Variants in FBXO46 observed in about 807,000 individuals in gnomAD.
FBXO46 encodes the protein F-box only protein 46.
A neutral mutation model predicts 30.7 loss-of-function variants in FBXO46; 13 were observed. That is an observed-to-expected ratio of 0.42 (90% CI 0.28 to 0.67). The LOEUF is 0.67. Ranked by LOEUF, FBXO46 falls within the 30% of genes least tolerant of loss-of-function variation. The probability of loss-of-function intolerance (pLI) is 0.21; values close to 1 mark genes in which losing one functional copy is unlikely to be tolerated. For missense variants in FBXO46, 754 were observed against 871.5 expected (o/e 0.87, Z 1.70); for synonymous variants, 467 against 385.8 (o/e 1.21, Z -2.47).
Position 45,713,712 on chromosome 19 carries a change from A to G in FBXO46, c.-78-139T>C. 1 of 477,030 alleles carries G rather than the reference A, an allele frequency of 2.1e-6. No homozygotes were observed. Among genetic ancestry groups the G allele is most frequent in the Non-Finnish European group, 3.7e-6 (1 of 267,434 alleles). The allele number at this position is 477,030 out of a possible 1,614,324, so 29.5% of individuals were successfully genotyped here. ...GCTGGGCGCGGTGGCTCACGCCTGTAATCCCAGCACTTTGGGAGGCTGAGG... is the reference window on the plus strand; with the variant it reads ...GCTGGGCGCGGTGGCTCACGCCTGTGATCCCAGCACTTTGGGAGGCTGAGG... On this transcript the variant is annotated intron_variant, in intron 1 of 1. Coordinates refer to ENST00000317683, the MANE Select transcript of FBXO46 (RefSeq NM_001080469.2). This position sits in a 1 kb window ranked among gnomAD's most constrained non-coding sequence, Gnocchi z 4.7.
chr19:45,714,327 T>C (rs1968054955), intron 1 of FBXO46: 1 of 151,710 alleles, frequency 6.6e-6, no homozygotes, highest in Non-Finnish European at 1.5e-5. Flanking sequence ...GGGATGGGGA[T>C]GAAAATCTGA....
At chr19:45,723,903 A>AG (rs1249042246) in intron 1 of FBXO46, among the ~76,000 whole-genome samples, 1 of 152,084 alleles carries the variant, frequency 6.6e-6, no homozygotes, top group Non-Finnish European at 1.5e-5. Flanking sequence ...CAGGAGTTCA[A>AG]GAAAAAAAAA....
At chr19:45,731,856 G>T (rs1348908912), upstream of FBXO46, among the ~76,000 whole-genome samples, 1 of 151,396 alleles carries the variant, frequency 6.6e-6, no homozygotes, top group African/African-American at 2.4e-5. Flanking sequence ...GGTGGCTCAC[G>T]CCTGTAGTCA....
rs3760842 is a variant in FBXO46, at chr19:45,713,768, G to A, written c.-78-195C>T. 0.25 allele frequency among the ~76,000 whole-genome samples: 37,629 copies of A among 151,830 alleles called. 4,744 individuals are homozygous for A. The highest frequency in any genetic ancestry group is 0.28 in the South Asian group (1,360 of 4,820). On this transcript the variant is annotated intron_variant, in intron 1 of 1. Coordinates refer to ENST00000317683, the MANE Select transcript of FBXO46 (RefSeq NM_001080469.2). This position sits in a 1 kb window ranked among gnomAD's most constrained non-coding sequence, Gnocchi z 4.7. ...AGATCACCTGAGGTCAGGAGTTTGA[G>A]ACCAGCCTGGCCAACATGGTGATAC... is the stretch of plus-strand genomic sequence containing the variant.
intron 1 of FBXO46, among the ~76,000 whole-genome samples, chr19:45,722,990 G>C (rs1473077151): frequency 6.6e-6 from 1 of 151,920 alleles, no homozygotes; most frequent in Non-Finnish European, 1.5e-5. Flanking sequence ...GGAGGTGGAG[G>C]TTGCAGTGAG....
Position 45,712,168 on chromosome 19 carries a change from G to A in FBXO46, c.1328C>T (p.Thr443Ile). ...GTGCCGGTACAAGCGGCACAGGGAG[G>A]TGTCCGCCGTGCCCTCGGCATCGTC... ...GPDDAEGTAD[T>I]SLCRLYRHVS... The change falls in exon 2 of 2, where the codon ACC becomes ATC. Residue 443 changes from threonine to isoleucine, a missense_variant. Physicochemically the swap from Thr to Ile is moderately conservative, Grantham distance 89 (BLOSUM62 -1). Around this residue, in one of 5 missense-constraint regions of FBXO46, gnomAD observed 162 missense variants for 258.7 expected, o/e 0.63. Coordinates refer to ENST00000317683, the MANE Select transcript of FBXO46 (RefSeq NM_001080469.2). This position sits in a 1 kb window ranked among gnomAD's most constrained non-coding sequence, Gnocchi z 8.8. 2 of 1,598,152 alleles carry A rather than the reference G, an allele frequency of 1.3e-6. No homozygotes were observed. The highest frequency in any genetic ancestry group is 1.7e-6 in the Non-Finnish European group (2 of 1,173,004).
In FBXO46 at chr19:45,713,040, G is replaced by A. The variant is rs750164936; in HGVS notation, c.456C>T (p.Gly152=). 6.4e-7 allele frequency: 1 copy of A among 1,558,602 alleles called. No homozygotes were observed. Among genetic ancestry groups the A allele is most frequent in the South Asian group, 1.2e-5 (1 of 84,822 alleles). The change falls in exon 2 of 2, where the codon GGC becomes GGT. Residue 152 remains glycine, a synonymous_variant. Transcript: ENST00000317683. This position sits in a 1 kb window ranked among gnomAD's most constrained non-coding sequence, Gnocchi z 4.7. ...CGGGGCCCTCCTCAGCAGCAGGGGGGCCCTCCCGGCCCCCTGGGTCAGGAG... is the reference window on the plus strand; with the variant it reads ...CGGGGCCCTCCTCAGCAGCAGGGGGACCCTCCCGGCCCCCTGGGTCAGGAG... ...KAPPDPGGRE[G]PPAAEEGPAS...
At chr19:45,729,301 C>T (rs1396026365) in intron 1 of FBXO46, among the ~76,000 whole-genome samples, 2 of 151,766 alleles carry the variant, frequency 1.3e-5, no homozygotes, top group Non-Finnish European at 2.9e-5. Flanking sequence ...CGTGGTGGCA[C>T]ATGCTTGTAA....
In FBXO46 at chr19:45,713,994, A is replaced by C. The variant is rs1324338318; in HGVS notation, c.-78-421T>G. Among the ~76,000 whole-genome samples the C allele has an allele frequency of 6.8e-6, 1 of 146,668 alleles. No homozygotes were observed. Among genetic ancestry groups the C allele is most frequent in the East Asian group, 2.0e-4 (1 of 5,058 alleles). On this transcript the variant is annotated intron_variant, in intron 1 of 1. Transcript: ENST00000317683. This position sits in a 1 kb window ranked among gnomAD's most constrained non-coding sequence, Gnocchi z 4.7. ...AAAAAAAAAAAAAAAAAAAAAAAGA[A>C]CTCTATTCCCACTGCCATGCTCAGG...
At position 45,722,133 on chromosome 19, in the gene FBXO46, C is replaced by A. The variant is rs1012735905; in HGVS notation, c.-78-8560G>T. Among the ~76,000 whole-genome samples, 6 of 152,236 alleles carry A rather than the reference C, an allele frequency of 3.9e-5. No homozygotes were observed. In the South Asian group the frequency reaches 1.0e-3, roughly 26 times the overall value. ...GCGCCCGGTCCCTGTTCCTTCTATG[C>A]CCTACCCTGCTGCTCCTTTGTCCAG... On this transcript the variant is annotated intron_variant, in intron 1 of 1. Coordinates refer to ENST00000317683, the MANE Select transcript of FBXO46 (RefSeq NM_001080469.2).
chr19:45,730,968 G>A (rs1051266815), upstream of FBXO46: 2 of 152,256 alleles, frequency 1.3e-5, no homozygotes. Context: ...GGCAGCCACG[G>A]ACTACATCCC....
chr19:45,724,190 G>T (rs1968208994), intron 1 of FBXO46, among the ~76,000 whole-genome samples: 1 of 152,104 alleles, frequency 6.6e-6, no homozygotes, highest in Non-Finnish European at 1.5e-5. Flanking sequence ...AAAAGTGTCA[G>T]ATCACCCCAG....
chr19:45,711,700 C>T lies in FBXO46; in HGVS notation c.1796G>A (p.Arg599Gln), dbSNP rs1390777006. The T allele has an allele frequency of 5.9e-6, 9 of 1,531,300 alleles. No homozygotes were observed. The African/African-American group carries it at 6.9e-5, about 12-fold the overall frequency. The allele number at this position is 1,531,300 out of a possible 1,614,324, so 94.9% of individuals were successfully genotyped here. A position where few individuals can be genotyped will look rare whatever the true frequency, so the allele number is the denominator to read the frequency against. Reference protein sequence around the residue: ...CNGPGGGRAGREEGR With the variant: ...CNGPGGGRAGQEEGR Reference sequence around the variant, plus strand: ...CCCCCGGCTTCACCTCCCCTCCTCCCGGCCGGCCCGGCCCCCGCCTGGCCC... The same window carrying T: ...CCCCCGGCTTCACCTCCCCTCCTCCTGGCCGGCCCGGCCCCCGCCTGGCCC... The change falls in exon 2 of 2, where the codon CGG (arginine) becomes CAG (glutamine). Residue 599 changes from arginine (R) to glutamine (Q), a missense_variant. Coordinates refer to ENST00000317683, the MANE Select transcript of FBXO46 (RefSeq NM_001080469.2).
intron 1 of FBXO46, among the ~76,000 whole-genome samples, chr19:45,726,344 TAAC>T (rs1368582967): frequency 3.3e-5 from 5 of 151,704 alleles, no homozygotes; most frequent in South Asian, 2.1e-4. Flanking sequence ...AGACTCCATC[TAAC>T]AACAACAACA....
At chr19:45,726,095 A>C (rs1001038392) in intron 1 of FBXO46, among the ~76,000 whole-genome samples, 30 of 152,136 alleles carry the variant, frequency 2.0e-4, no homozygotes, top group Non-Finnish European at 1.5e-5. Context: ...TAATTTCAAC[A>C]CTTTGGAAGG....
chr19:45,722,662 T>TGAGGCAGG (rs1382020596), intron 1 of FBXO46, among the ~76,000 whole-genome samples: 1 of 151,770 alleles, frequency 6.6e-6, no homozygotes, highest in Non-Finnish European at 1.5e-5. Flanking sequence ...CTCAGGAGGC[T>TGAGGCAGG]GAGGCAGGAG....
intron 1 of FBXO46, among the ~76,000 whole-genome samples, chr19:45,720,134 T>C (rs1239035242): frequency 6.6e-6 from 1 of 152,084 alleles, no homozygotes; most frequent in South Asian, 2.1e-4. Context: ...TTTTTTGTTT[T>C]TTTTTTTAAG....
At chr19:45,732,465 G>A (rs866726670), upstream of FBXO46, among the ~76,000 whole-genome samples, 9 of 145,566 alleles carry the variant, frequency 6.2e-5, no homozygotes, top group Non-Finnish European at 6.0e-5. Context: ...AATCTCAGCC[G>A]GGAGACTGGC....
upstream of FBXO46, among the ~76,000 whole-genome samples, chr19:45,731,632 C>T (rs1353722610): frequency 2.0e-5 from 3 of 150,936 alleles, no homozygotes; most frequent in Non-Finnish European, 4.4e-5. Context: ...TCCTTTCTTA[C>T]CTCCTGATTT....
Sources: gnomAD v4.1 joint callset for allele counts (sites outside exome capture counted in the v4.1 genomes callset) on GRCh38, gnomAD v4.1.1 for gene constraint, gnomAD v4.1.1 regional missense constraint, Gnocchi (gnomAD v3.1) non-coding constraint, MANE v1.5 for transcripts, NCBI Gene and HGNC (gene_info 2026-07-23, HGNC 2026-07-21) for gene names.